SLC39A11: variants seen among roughly 807,000 people sequenced by gnomAD.
The protein encoded by SLC39A11 is zinc transporter ZIP11.
A neutral mutation model predicts 36.1 loss-of-function variants in SLC39A11; 33 were observed. The ratio of observed to expected loss-of-function variants is 0.91; its 90% CI spans 0.69 to 1.22. The LOEUF (loss-of-function observed/expected upper bound fraction) is 1.22, where lower values mean the gene tolerates loss of function less well. Among genes scored for constraint, SLC39A11 ranks in the 50% most tolerant of loss-of-function variants. The pLI is 0.00. For missense variants in SLC39A11, 432 were observed against 430.3 expected (o/e 1.00, Z -0.03); for synonymous variants, 166 against 170.3 (o/e 0.97, Z 0.20).
At chr17:72,892,251 TA>T (rs35744116) in intron 5 of SLC39A11, among the ~76,000 whole-genome samples, 77,613 of 150,952 alleles carry the variant, frequency 0.51, 21,607 homozygotes, top group African/African-American at 0.73. Context: ...CTACTAAAAG[TA>T]AAAAAAAATT....
chr17:72,893,983 AC>A (rs1208495567), intron 5 of SLC39A11, among the ~76,000 whole-genome samples: 7 of 152,160 alleles, frequency 4.6e-5, no homozygotes. Context: ...TAGTGTCTGA[AC>A]CTTTAGAACC....
rs796269291 is a variant in SLC39A11 at position 72,849,804 on chromosome 17, T to A, written c.431A>T (p.Asp144Val). 2.0e-6 allele frequency: 3 copies of A among 1,469,668 alleles called. No individual in the cohort carries two copies. Among genetic ancestry groups the A allele is most frequent in the Non-Finnish European group, 2.7e-6 (3 of 1,125,910 alleles). 91.0% of individuals were successfully genotyped at this position (1,469,668 alleles called of 1,614,324 possible). The change falls in exon 6 of 10, where the codon GAC (aspartate) becomes GTC (valine). Residue 144 changes from aspartate to valine, a missense_variant and splice_region_variant. Physicochemically the swap from Asp to Val is radical, Grantham distance 152 (BLOSUM62 -3). Coordinates refer to ENST00000255559, the MANE Select transcript of SLC39A11 (RefSeq NM_139177.4). ...FPESELSIRIDKSENGEAYQR... is the reference protein window; with the variant it reads ...FPESELSIRIVKSENGEAYQR... ...ATATGCCTCACCATTCTCACTCTTG[T>A]CTGAGCAAAAAAAAAAAAAAAGAGA...
chr17:73,054,018 T>C (rs2059588380), intron 3 of SLC39A11, among the ~76,000 whole-genome samples: 1 of 152,116 alleles, frequency 6.6e-6, no homozygotes, highest in Non-Finnish European at 1.5e-5. Context: ...TCAGCACACA[T>C]GGGGGGTCTG....
chr17:73,085,110 C>A (rs146270216), intron 2 of SLC39A11, among the ~76,000 whole-genome samples: 1 of 152,298 alleles, frequency 6.6e-6, no homozygotes, highest in African/African-American at 2.4e-5. Context: ...TCTTACTCAG[C>A]TTTCCCTGTG....
At chr17:72,915,826 C>T (rs539136946) in intron 5 of SLC39A11, among the ~76,000 whole-genome samples, 1 of 152,156 alleles carries the variant, frequency 6.6e-6, no homozygotes. Flanking sequence ...GAAATGTCCC[C>T]GAATCCATTT....
At chr17:72,703,153 G>T (rs547677916) in intron 7 of SLC39A11, among the ~76,000 whole-genome samples, 1 of 152,148 alleles carries the variant, frequency 6.6e-6, no homozygotes, top group South Asian at 2.1e-4. Flanking sequence ...CTTTTCCTGA[G>T]ATATTAGGGG....
intron 5 of SLC39A11, among the ~76,000 whole-genome samples, chr17:72,897,424 G>A (rs2082088157): frequency 6.6e-6 from 1 of 152,194 alleles, no homozygotes; most frequent in African/African-American, 2.4e-5. Flanking sequence ...CATCTGTACT[G>A]GATGGTACAA....
chr17:72,728,347 T>A (rs1026744254), intron 7 of SLC39A11, among the ~76,000 whole-genome samples: 2 of 150,772 alleles, frequency 1.3e-5, no homozygotes, highest in African/African-American at 4.9e-5. Flanking sequence ...GATGCTGAGG[T>A]GGGAGGATCG....
At chr17:72,945,470 C>T (rs999135530) in intron 5 of SLC39A11, among the ~76,000 whole-genome samples, 4 of 152,244 alleles carry the variant, frequency 2.6e-5, no homozygotes, top group Non-Finnish European at 4.4e-5. Flanking sequence ...CAGGCTCCAT[C>T]TGCATGAAGC....
chr17:72,762,725 C>T (rs1486869581), intron 6 of SLC39A11, among the ~76,000 whole-genome samples: 1 of 152,088 alleles, frequency 6.6e-6, no homozygotes, highest in Non-Finnish European at 1.5e-5. Context: ...ATCAGGGTTC[C>T]CTCATGGGAT....
intron 4 of SLC39A11, among the ~76,000 whole-genome samples, chr17:73,029,904 C>T (rs1053609678): frequency 6.6e-6 from 1 of 151,924 alleles, no homozygotes. Context: ...CTTTTAACAA[C>T]AAAAAATGAC....
At chr17:72,767,987 G>C (rs1046519711) in intron 6 of SLC39A11, among the ~76,000 whole-genome samples, 5 of 152,068 alleles carry the variant, frequency 3.3e-5, no homozygotes, top group African/African-American at 1.2e-4. Flanking sequence ...GTGAAGGGGT[G>C]GGGGTGGCTA....
At chr17:72,966,715 G>A (rs573207289) in intron 4 of SLC39A11, among the ~76,000 whole-genome samples, 61 of 152,152 alleles carry the variant, frequency 4.0e-4, no homozygotes, top group African/African-American at 1.1e-3. Flanking sequence ...GACTACAGGC[G>A]CCCGCCACCA....
At chr17:72,965,331 A>C (rs1412966105) in intron 4 of SLC39A11, among the ~76,000 whole-genome samples, 1 of 152,196 alleles carries the variant, frequency 6.6e-6, no homozygotes, top group African/African-American at 2.4e-5. Context: ...AAAAATGCTG[A>C]GATGGATAAA....
intron 6 of SLC39A11, among the ~76,000 whole-genome samples, chr17:72,838,621 T>A (rs2078673671): frequency 6.6e-6 from 1 of 152,176 alleles, no homozygotes; most frequent in Non-Finnish European, 1.5e-5. Flanking sequence ...TTCCTCAGTG[T>A]GGAAGTGTAA....
intron 5 of SLC39A11, among the ~76,000 whole-genome samples, chr17:72,854,301 G>A (rs1412272389): frequency 1.3e-5 from 2 of 151,672 alleles, no homozygotes; most frequent in East Asian, 3.9e-4. Context: ...ATGGTTGACT[G>A]GGGATGAAGT....
chr17:72,960,633 A>G (rs1261383448), intron 4 of SLC39A11, among the ~76,000 whole-genome samples: 1 of 151,250 alleles, frequency 6.6e-6, no homozygotes, highest in African/African-American at 2.5e-5. Flanking sequence ...TACAAAAAAT[A>G]AAAGTAAAAA....
intron 6 of SLC39A11, among the ~76,000 whole-genome samples, chr17:72,803,156 G>A (rs4793487): frequency 0.49 from 74,743 of 152,176 alleles, 20,501 homozygotes; most frequent in Non-Finnish European, 0.63. Context: ...CCATGGATGC[G>A]CGCCTCTGAG....
At chr17:72,970,306 A>G (rs1441227023) in intron 4 of SLC39A11, among the ~76,000 whole-genome samples, 4 of 152,164 alleles carry the variant, frequency 2.6e-5, no homozygotes, top group African/African-American at 9.7e-5. Flanking sequence ...TCTGCTTCTC[A>G]TGGTCACAAC....
Sources: gnomAD v4.1 joint callset for allele counts (sites outside exome capture counted in the v4.1 genomes callset) on GRCh38, gnomAD v4.1.1 for gene constraint, MANE v1.5 for transcripts, NCBI Gene and HGNC (gene_info 2026-07-23, HGNC 2026-07-21) for gene names.